Variants in PTPRN2 observed in about 807,000 individuals in gnomAD.
PTPRN2 encodes receptor-type tyrosine-protein phosphatase N2.
PTPRN2 carries 74 observed loss-of-function variants against 118.8 expected under a neutral mutation model. That is an observed-to-expected ratio of 0.62 (90% confidence interval 0.52 to 0.76). The LOEUF (loss-of-function observed/expected upper bound fraction) is 0.76, where lower values mean the gene tolerates loss of function less well. PTPRN2 is among the 30% of genes least tolerant of loss of function. The probability of loss-of-function intolerance (pLI) is 0.00; values close to 1 mark genes in which losing one functional copy is unlikely to be tolerated. For synonymous variants in PTPRN2, 641 were observed against 608.0 expected, an observed-to-expected ratio of 1.05 and a Z score of -0.80; for missense variants, 1,481 against 1,394.4, an observed-to-expected ratio of 1.06 and a Z score of -0.99.
intron 12 of PTPRN2, among the ~76,000 whole-genome samples, chr7:157,889,607 C>T (rs1438389264): frequency 2.0e-5 from 3 of 152,226 alleles, no homozygotes; most frequent in Non-Finnish European, 2.9e-5. Flanking sequence ...ACATGGGATG[C>T]ATTTTGCAAA....
intron 3 of PTPRN2, among the ~76,000 whole-genome samples, chr7:158,227,383 A>G (rs1828869922): frequency 6.6e-6 from 1 of 152,266 alleles, no homozygotes; most frequent in African/African-American, 2.4e-5. Context: ...AGTGATAAGA[A>G]TCAGAAATGA....
intron 2 of PTPRN2, among the ~76,000 whole-genome samples, chr7:158,408,856 A>G (rs764649085): frequency 6.6e-6 from 1 of 151,472 alleles, no homozygotes; most frequent in Admixed American, 6.5e-5. Flanking sequence ...TCATATTAAC[A>G]TTGACACGAC....
At chr7:158,041,036 GC>G (rs1378686383) in intron 11 of PTPRN2, among the ~76,000 whole-genome samples, 1 of 152,172 alleles carries the variant, frequency 6.6e-6, no homozygotes, top group Non-Finnish European at 1.5e-5. Flanking sequence ...CGGTCCACCT[GC>G]TTTTCAAGTA....
At chr7:158,503,637 A>G (rs1161491581) in intron 1 of PTPRN2, among the ~76,000 whole-genome samples, 1 of 152,214 alleles carries the variant, frequency 6.6e-6, no homozygotes, top group Admixed American at 6.5e-5. Context: ...TACGAACAAA[A>G]AGTTACAGAT....
intron 21 of PTPRN2, among the ~76,000 whole-genome samples, chr7:157,552,059 A>C: frequency 6.7e-6 from 1 of 148,230 alleles, no homozygotes; most frequent in African/African-American, 2.5e-5. Flanking sequence ...ACCACCACAC[A>C]CTCCACAGCC....
chr7:158,036,244 A>T (rs1381949161), intron 11 of PTPRN2, among the ~76,000 whole-genome samples: 1 of 151,878 alleles, frequency 6.6e-6, no homozygotes, highest in Non-Finnish European at 1.5e-5. Context: ...AATCATTTTT[A>T]GGAAAAAAAA....
intron 12 of PTPRN2, among the ~76,000 whole-genome samples, chr7:157,847,963 T>C (rs1036851773): frequency 3.3e-5 from 5 of 151,910 alleles, no homozygotes; most frequent in Non-Finnish European, 7.4e-5. Flanking sequence ...CCATCATGTA[T>C]GCCCGATGTT....
chr7:158,429,427 C>T (rs1053762709), intron 2 of PTPRN2, among the ~76,000 whole-genome samples: 2 of 152,262 alleles, frequency 1.3e-5, no homozygotes, highest in Admixed American at 6.5e-5. Flanking sequence ...ATCAGGCACT[C>T]TCTGCACCAC....
chr7:158,258,716 C>T (rs192103716), intron 3 of PTPRN2, among the ~76,000 whole-genome samples: 2 of 152,342 alleles, frequency 1.3e-5, no homozygotes, highest in African/African-American at 4.8e-5. Context: ...GCCGTTGGCT[C>T]TGCTGGAATG....
intron 3 of PTPRN2, among the ~76,000 whole-genome samples, chr7:158,236,270 G>A (rs577601238): frequency 5.9e-5 from 9 of 152,170 alleles, no homozygotes; most frequent in Non-Finnish European, 1.3e-4. Flanking sequence ...CTGCCACACA[G>A]GCAGGCAATG....
intron 9 of PTPRN2, among the ~76,000 whole-genome samples, chr7:158,119,635 C>T (rs1015755354): frequency 6.7e-6 from 1 of 149,770 alleles, no homozygotes; most frequent in African/African-American, 2.5e-5. Context: ...GAGAGAGAGA[C>T]ACCATATTTA....
intron 12 of PTPRN2, among the ~76,000 whole-genome samples, chr7:157,756,833 G>T (rs1801810328): frequency 6.6e-6 from 1 of 151,724 alleles, no homozygotes; most frequent in Admixed American, 6.6e-5. Flanking sequence ...ACGAGAAACT[G>T]CTCAGGGGAA....
chr7:157,910,287 C>T (rs373723245), intron 11 of PTPRN2, among the ~76,000 whole-genome samples: 2 of 147,912 alleles, frequency 1.4e-5, no homozygotes, highest in African/African-American at 5.0e-5. Context: ...GCACGTACGC[C>T]GGATCACGCA....
intron 1 of PTPRN2, among the ~76,000 whole-genome samples, chr7:158,492,852 T>C (rs1821561839): frequency 6.6e-6 from 1 of 152,230 alleles, no homozygotes; most frequent in African/African-American, 2.4e-5. Context: ...CACGCCTTCC[T>C]CGAGTGGGCT....
intron 14 of PTPRN2, among the ~76,000 whole-genome samples, chr7:157,638,743 C>T (rs890177451): frequency 6.6e-6 from 1 of 152,230 alleles, no homozygotes; most frequent in African/African-American, 2.4e-5. Flanking sequence ...ATCGGGGTCA[C>T]TCTTCTTGCT....
intron 12 of PTPRN2, among the ~76,000 whole-genome samples, chr7:157,790,248 G>A (rs1335486218): frequency 7.5e-6 from 1 of 133,480 alleles, no homozygotes; most frequent in Non-Finnish European, 1.6e-5. Context: ...TGTGTCTGTG[G>A]TGGGGGTGTG....
intron 11 of PTPRN2, among the ~76,000 whole-genome samples, chr7:157,922,170 C>T (rs1798725861): frequency 6.6e-6 from 1 of 152,208 alleles, no homozygotes; most frequent in African/African-American, 2.4e-5. Context: ...ATTATTACTG[C>T]AGTGAAACTT....
intron 11 of PTPRN2, among the ~76,000 whole-genome samples, chr7:157,958,073 A>G (rs1278476730): frequency 1.3e-5 from 2 of 152,228 alleles, no homozygotes; most frequent in African/African-American, 4.8e-5. Flanking sequence ...ATGTATTCCT[A>G]GAATGCAAGA....
At chr7:158,292,506 T>C (rs1800187601) in intron 3 of PTPRN2, among the ~76,000 whole-genome samples, 1 of 152,250 alleles carries the variant, frequency 6.6e-6, no homozygotes, top group Non-Finnish European at 1.5e-5. Flanking sequence ...CTAAGAGTAG[T>C]ACAGTTGCAT....
Sources: gnomAD v4.1 joint callset for allele counts (sites outside exome capture counted in the v4.1 genomes callset) on GRCh38, gnomAD v4.1.1 for gene constraint, MANE v1.5 for transcripts, NCBI Gene and HGNC (gene_info 2026-07-23, HGNC 2026-07-21) for gene names.